The following TPRG1 variants were observed in gnomAD, a reference collection of about 807,000 sequenced individuals.
TPRG1 encodes the protein tumor protein p63-regulated gene 1 protein.
TPRG1 carries 29 observed loss-of-function variants against 29.3 expected under a neutral mutation model. That is an observed-to-expected ratio of 0.99 (90% CI 0.74 to 1.35). TPRG1 has a LOEUF of 1.35. TPRG1 is among the 40% of genes most tolerant of loss of function. TPRG1 has a pLI of 0.00. For missense variants in TPRG1, 327 were observed against 335.0 expected (o/e 0.98, Z 0.19); for synonymous variants, 130 against 116.8 (o/e 1.11, Z -0.73).
intron 1 of TPRG1, among the ~76,000 whole-genome samples, chr3:189,187,689 T>C (rs1731133790): frequency 6.6e-6 from 1 of 152,056 alleles, no homozygotes; most frequent in Non-Finnish European, 1.5e-5. Context: ...GGCTGAGGGG[T>C]TTAAATTGCC....
chr3:189,020,414 G>T (rs1362502200), intron 3 of TPRG1, among the ~76,000 whole-genome samples: 2 of 151,776 alleles, frequency 1.3e-5, no homozygotes, highest in East Asian at 1.9e-4. Context: ...GCGTCCCAGA[G>T]ATTCTGGTAT....
rs1392887301 is a variant in TPRG1, at chr3:189,275,410, G to A, written c.480-34976G>A. On this transcript the variant is annotated intron_variant, in intron 4 of 5. Coordinates refer to ENST00000345063, the MANE Select transcript of TPRG1 (RefSeq NM_198485.4). ...GCAATAAGGATATGCCAGTGGAGAC[G>A]AATTGACAATAAAGAGAATTCATAC... is the stretch of plus-strand genomic sequence containing the variant. Among the ~76,000 whole-genome samples, 8 of 152,220 alleles carry A rather than the reference G, an allele frequency of 5.3e-5. 1 individual carries two copies. Among genetic ancestry groups the A allele is most frequent in the Admixed American group, 3.3e-4 (5 of 15,296 alleles).
intron 4 of TPRG1, among the ~76,000 whole-genome samples, chr3:189,291,940 A>G (rs956501671): frequency 6.6e-6 from 1 of 152,200 alleles, no homozygotes; most frequent in Non-Finnish European, 1.5e-5. Flanking sequence ...AGCTCTGGGT[A>G]GGCTTCTACT....
At position 189,322,271 on chromosome 3, in the gene TPRG1, G is replaced by T. The variant is rs1256910015; in HGVS notation, c.*1451G>T. 6.6e-6 allele frequency: 1 copy of T among 152,150 alleles called. No homozygotes were observed. 9.4% of individuals were successfully genotyped at this position (152,150 alleles called of 1,614,324 possible). A position where few individuals can be genotyped will look rare whatever the true frequency, so the allele number is the denominator to read the frequency against. The stretch of plus-strand genomic sequence containing the variant: ...AAAAGCTTGCTTCCTCAATTTCAAA[G>T]ATTTGTCCTCTGATATATTTATAAA... On this transcript the variant is annotated 3_prime_UTR_variant, in exon 6 of 6. Coordinates refer to ENST00000345063, the MANE Select transcript of TPRG1 (RefSeq NM_198485.4).
At chr3:189,032,291 A>T (rs1396653387) in intron 4 of TPRG1, among the ~76,000 whole-genome samples, 1 of 152,166 alleles carries the variant, frequency 6.6e-6, no homozygotes, top group African/African-American at 2.4e-5. Flanking sequence ...GGTGACTTCT[A>T]CACACTGGAA....
intron 4 of TPRG1, among the ~76,000 whole-genome samples, chr3:189,057,907 CG>C (rs1667631550): frequency 1.4e-5 from 2 of 146,578 alleles, no homozygotes; most frequent in African/African-American, 2.5e-5. Context: ...TATATACACA[CG>C]TATATATCTT....
intron 4 of TPRG1, among the ~76,000 whole-genome samples, chr3:189,026,190 C>T (rs1255683355): frequency 1.3e-5 from 2 of 152,172 alleles, no homozygotes; most frequent in African/African-American, 2.4e-5. Flanking sequence ...GATGGGGCCT[C>T]TCTTCCTGAC....
intron 1 of TPRG1, among the ~76,000 whole-genome samples, chr3:189,124,753 T>C (rs1041585530): frequency 3.3e-5 from 5 of 152,184 alleles, no homozygotes; most frequent in Admixed American, 6.5e-5. Context: ...TATTTTTTCC[T>C]CCATAAAACC....
chr3:189,205,293 G>T (rs941568997), intron 1 of TPRG1, among the ~76,000 whole-genome samples: 1 of 152,180 alleles, frequency 6.6e-6, no homozygotes, highest in African/African-American at 2.4e-5. Flanking sequence ...AAAGCAAACT[G>T]CATAAGGCTT....
At chr3:189,261,769 G>A (rs1713101727) in intron 4 of TPRG1, among the ~76,000 whole-genome samples, 1 of 152,162 alleles carries the variant, frequency 6.6e-6, no homozygotes, top group Non-Finnish European at 1.5e-5. Context: ...TTAGGAAGAA[G>A]GTAGAATCTG....
intron 4 of TPRG1, among the ~76,000 whole-genome samples, chr3:189,291,361 T>C (rs1232394338): frequency 1.3e-5 from 2 of 152,218 alleles, no homozygotes; most frequent in African/African-American, 2.4e-5. Context: ...AAATACTTTG[T>C]ATATTTTAAT....
intron 2 of TPRG1, among the ~76,000 whole-genome samples, chr3:189,130,315 C>T (rs1301834281): frequency 6.6e-6 from 1 of 152,152 alleles, no homozygotes; most frequent in Non-Finnish European, 1.5e-5. Context: ...TTCCTTTCTG[C>T]CTGGGAGAGA....
intron 4 of TPRG1, among the ~76,000 whole-genome samples, chr3:189,028,565 G>A (rs1578211074): frequency 6.6e-6 from 1 of 152,306 alleles, no homozygotes; most frequent in East Asian, 1.9e-4. Context: ...AACTTTGTGT[G>A]TTAAGGGATC....
upstream of TPRG1, among the ~76,000 whole-genome samples, chr3:189,095,295 G>T (rs1718602525): frequency 6.6e-6 from 1 of 152,182 alleles, no homozygotes; most frequent in Non-Finnish European, 1.5e-5. Flanking sequence ...AACAAAGGGA[G>T]AGTGGGGGAG....
chr3:189,017,428 G>T (rs1241268210), intron 3 of TPRG1, among the ~76,000 whole-genome samples: 1 of 151,784 alleles, frequency 6.6e-6, no homozygotes, highest in African/African-American at 2.4e-5. Flanking sequence ...CCCTTCCTGT[G>T]TCCATGTGAT....
At chr3:189,312,079 A>ATCTTTCTTTCTTTCTTTCTT (rs1560688412) in intron 5 of TPRG1, among the ~76,000 whole-genome samples, 1 of 122,060 alleles carries the variant, frequency 8.2e-6, no homozygotes, top group African/African-American at 4.0e-5. Context: ...AGAACACTTT[A>ATCTTTCTTTCTTTCTTTCTT]TGTTTCTTTC....
upstream of TPRG1, among the ~76,000 whole-genome samples, chr3:189,167,327 C>T (rs1452441675): frequency 1.3e-5 from 2 of 152,184 alleles, no homozygotes; most frequent in African/African-American, 2.4e-5. Context: ...TTCACATTCT[C>T]CCGCCTTGTC....
chr3:189,242,323 C>A (rs1740743739), intron 4 of TPRG1, among the ~76,000 whole-genome samples: 1 of 151,954 alleles, frequency 6.6e-6, no homozygotes, highest in African/African-American at 2.4e-5. Flanking sequence ...TATTATGTGT[C>A]AATATCTGGT....
chr3:189,084,819 G>C (rs1012674887), intron 4 of TPRG1, among the ~76,000 whole-genome samples: 15 of 152,170 alleles, frequency 9.9e-5, no homozygotes, highest in African/African-American at 3.4e-4. Flanking sequence ...AGTCCACACA[G>C]TTGCTACAAA....
Sources: allele counts gnomAD v4.1 joint callset (sites outside exome capture counted in the v4.1 genomes callset), GRCh38; gene constraint gnomAD v4.1.1; transcripts MANE v1.5; gene names NCBI Gene and HGNC (gene_info 2026-07-23, HGNC 2026-07-21).